The following TRAPPC11 variants were observed in gnomAD, a reference collection of about 807,000 sequenced individuals.
TRAPPC11 encodes trafficking protein particle complex subunit 11.
TRAPPC11 carries 104 observed loss-of-function variants against 151.2 expected under a neutral mutation model. The observed-to-expected ratio is 0.69, with a 90% CI of 0.59 to 0.81. TRAPPC11 has a LOEUF of 0.81. TRAPPC11 is among the 30% of genes least tolerant of loss of function. The pLI, the probability that TRAPPC11 is intolerant of heterozygous loss-of-function variation, is 0.00. For synonymous variants in TRAPPC11, 456 were observed against 472.3 expected, an observed-to-expected ratio of 0.97 and a Z score of 0.45; for missense variants, 1,230 against 1,349.6, an observed-to-expected ratio of 0.91 and a Z score of 1.39.
At position 183,697,842 on chromosome 4, in the gene TRAPPC11, C is replaced by T. The variant is rs1459446571; in HGVS notation, c.2851+7C>T. Reference sequence around the variant, plus strand: ...GAGTCTCAAGTGGACAATGGTGAGTCTGGTTCATTCCCACTTAAAGACCAG... The same window carrying T: ...GAGTCTCAAGTGGACAATGGTGAGTTTGGTTCATTCCCACTTAAAGACCAG... On this transcript the variant is annotated splice_region_variant and intron_variant, in intron 25 of 29. Transcript: ENST00000334690. 1.2e-6 allele frequency: 2 copies of T among 1,611,294 alleles called. No individual in the cohort carries two copies. Among genetic ancestry groups the T allele is most frequent in the East Asian group, 4.5e-5 (2 of 44,822 alleles).
In TRAPPC11 at chr4:183,685,376, A is replaced by T; in HGVS notation, c.1735A>T (p.Ile579Leu). ...ISLAGSNIFTIGVQDFVPFVQ... is the reference protein window; with the variant it reads ...ISLAGSNIFTLGVQDFVPFVQ... ...TCTGGCTGGCAGCAATATTTTCACA[A>T]TAGGAGTACAGGACTTTGTGCCATT... The change falls in exon 17 of 30, where the codon ATA (isoleucine) becomes TTA (leucine). Residue 579 changes from isoleucine (I) to leucine (L), a missense_variant. Coordinates refer to ENST00000334690, the MANE Select transcript of TRAPPC11 (RefSeq NM_021942.6). 1.2e-6 allele frequency: 2 copies of T among 1,614,192 alleles called. No homozygotes were observed. Among genetic ancestry groups the T allele is most frequent in the Non-Finnish European group, 1.7e-6 (2 of 1,180,022 alleles).
At chr4:183,706,320 G>A (rs570001405) in intron 27 of TRAPPC11, among the ~76,000 whole-genome samples, 2 of 152,206 alleles carry the variant, frequency 1.3e-5, no homozygotes, top group African/African-American at 4.8e-5. Context: ...TCAGGAGATC[G>A]AGACCATCCT....
chr4:183,685,856 C>G (rs1015127857), intron 17 of TRAPPC11, among the ~76,000 whole-genome samples: 1 of 151,920 alleles, frequency 6.6e-6, no homozygotes, highest in Admixed American at 6.6e-5. Flanking sequence ...TTTTTCGAGA[C>G]AGGGTCTCAC....
chr4:183,689,701 C>T (rs1324831626), intron 18 of TRAPPC11, among the ~76,000 whole-genome samples: 1 of 147,958 alleles, frequency 6.8e-6, no homozygotes, highest in African/African-American at 2.5e-5. Context: ...CATAACTCAT[C>T]TCAGCCTCAA....
At chr4:183,675,492 T>C (rs1038403965) in intron 7 of TRAPPC11, 1 of 221,158 alleles carries the variant, frequency 4.5e-6, no homozygotes, top group African/African-American at 2.3e-5. Context: ...GCCACAGAAA[T>C]GTAATATTAA....
chr4:183,704,828 A>AAAT (rs958137733), intron 26 of TRAPPC11, 151 bp from the exon 27 acceptor site: 3 of 307,794 alleles, frequency 9.7e-6, no homozygotes, highest in Non-Finnish European at 1.8e-5. Context: ...AATAATAATA[A>AAAT]AATAATAATA....
chr4:183,662,724 T>C (rs1321568311), intron 1 of TRAPPC11, among the ~76,000 whole-genome samples: 1 of 151,162 alleles, frequency 6.6e-6, no homozygotes. Context: ...GGGAAGTTTA[T>C]TATATGTAAG....
chr4:183,707,254 A>ATGGGTG (rs1737120500), intron 28 of TRAPPC11, among the ~76,000 whole-genome samples: 1 of 148,568 alleles, frequency 6.7e-6, no homozygotes, highest in East Asian at 2.0e-4. Context: ...GTGTGTGTTT[A>ATGGGTG]TGTGTGTGTG....
chr4:183,702,356 A>G (rs1279342284), intron 26 of TRAPPC11, among the ~76,000 whole-genome samples: 3 of 152,080 alleles, frequency 2.0e-5, no homozygotes, highest in African/African-American at 7.2e-5. Flanking sequence ...AAAAAAAAAA[A>G]AAAGTTCATA....
intron 7 of TRAPPC11, among the ~76,000 whole-genome samples, chr4:183,676,224 A>T (rs762785427): frequency 2.0e-5 from 3 of 151,600 alleles, no homozygotes; most frequent in Non-Finnish European, 4.4e-5. Flanking sequence ...ATCTCGGCTC[A>T]CTGCAACCTC....
Position 183,712,481 on chromosome 4 carries a change from C to A in TRAPPC11, c.3358-119C>A, listed in dbSNP as rs1486017131. 6 of 976,938 alleles carry A rather than the reference C, an allele frequency of 6.1e-6. No homozygotes were observed. The African/African-American group carries it at 8.1e-5, about 13-fold the overall frequency. 60.5% of individuals were successfully genotyped at this position (976,938 alleles called of 1,614,324 possible). On this transcript the variant is annotated intron_variant, in intron 29 of 29. Coordinates refer to ENST00000334690, the MANE Select transcript of TRAPPC11 (RefSeq NM_021942.6). ...ATCACCATTTTTATTTTGATGCTTA[C>A]ACTCATTTATTCTGTTTTTGTAAAA...
chr4:183,707,148 C>A (rs890300847), intron 28 of TRAPPC11, among the ~76,000 whole-genome samples: 1 of 152,016 alleles, frequency 6.6e-6, no homozygotes, highest in Non-Finnish European at 1.5e-5. Context: ...CACGTGGGTT[C>A]TTCTTATAAA....
At chr4:183,699,636 G>A (rs1192903308) in intron 25 of TRAPPC11, among the ~76,000 whole-genome samples, 1 of 152,130 alleles carries the variant, frequency 6.6e-6, no homozygotes, top group Non-Finnish European at 1.5e-5. Context: ...CTGTATTAAA[G>A]TTCTACAGGT....
At position 183,665,181 on chromosome 4, in the gene TRAPPC11, G is replaced by A. The variant is rs548500063; in HGVS notation, c.205-1076G>A. Among the ~76,000 whole-genome samples, 237 of 133,946 alleles carry A rather than the reference G, an allele frequency of 1.8e-3. 1 individual carries two copies. The highest frequency in any genetic ancestry group is 4.2e-3 in the African/African-American group (150 of 35,442). 87.9% of individuals were successfully genotyped at this position (133,946 alleles called of 152,430 possible). A position where few individuals can be genotyped will look rare whatever the true frequency, so the allele number is the denominator to read the frequency against. ...GCGATATCGGCTCACTGCAAGCTCC[G>A]CCTCCTGGGTTCGTGCCATTCTCCT... On this transcript the variant is annotated intron_variant, in intron 2 of 29. Coordinates refer to ENST00000334690, the MANE Select transcript of TRAPPC11 (RefSeq NM_021942.6).
chr4:183,705,187 G>C lies in TRAPPC11; in HGVS notation c.3055+117G>C, dbSNP rs1177965315. 3 of 659,924 alleles carry C rather than the reference G, an allele frequency of 4.5e-6. No individual in the cohort carries two copies. In the Admixed American group the frequency reaches 6.7e-5, roughly 15 times the overall value. The allele number at this position is 659,924 out of a possible 1,614,324, so 40.9% of individuals were successfully genotyped here. A position where few individuals can be genotyped will look rare whatever the true frequency, so the allele number is the denominator to read the frequency against. ...AGAAAGTTTTTCAGCATTTGTAAAA[G>C]TAGCTTATGGCCAGTCTTGCTTCCT... On this transcript the variant is annotated intron_variant, in intron 27 of 29. Transcript: ENST00000334690.
At chr4:183,684,633 C>A in intron 14 of TRAPPC11, 63 bp from the exon 15 acceptor site, 1 of 1,544,632 alleles carries the variant, frequency 6.5e-7, no homozygotes, top group Non-Finnish European at 8.8e-7. Flanking sequence ...ATTTTTTTCT[C>A]CATGAACTCT....
In TRAPPC11 at chr4:183,661,412, C is replaced by T. The variant is rs1019519153; in HGVS notation, c.-22+1965C>T. ...GAGACGGAGTCTCCTCGCTCTGTCG[C>T]CCAGGCTGGAGTGCAGTGGCGCGAT... On this transcript the variant is annotated intron_variant, in intron 1 of 29. Coordinates refer to ENST00000334690, the MANE Select transcript of TRAPPC11 (RefSeq NM_021942.6). Among the ~76,000 whole-genome samples, 4 of 137,130 alleles carry T rather than the reference C, an allele frequency of 2.9e-5. No homozygotes were observed. In the South Asian group the frequency reaches 6.9e-4, roughly 24 times the overall value. 90.0% of individuals were successfully genotyped at this position (137,130 alleles called of 152,430 possible). A position where few individuals can be genotyped will look rare whatever the true frequency, so the allele number is the denominator to read the frequency against.
In TRAPPC11 at chr4:183,712,977, C is replaced by G. The variant is rs1457025116; in HGVS notation, c.*333C>G. The G allele has an allele frequency of 3.7e-6, 1 of 273,012 alleles. No homozygotes were observed. The highest frequency in any genetic ancestry group is 6.9e-6 in the Non-Finnish European group (1 of 144,702). The allele number at this position is 273,012 out of a possible 1,614,324, so 16.9% of individuals were successfully genotyped here. A position where few individuals can be genotyped will look rare whatever the true frequency, so the allele number is the denominator to read the frequency against. ...GGAAAATTAAGCATCCCAAGTGTGA[C>G]TGGACAAAGAGAGCAGATGCACCAG... On this transcript the variant is annotated 3_prime_UTR_variant, in exon 30 of 30. Transcript: ENST00000334690.
intron 25 of TRAPPC11, among the ~76,000 whole-genome samples, 175 bp downstream of exon 25, chr4:183,698,010 A>C (rs796128008): frequency 5.9e-5 from 9 of 152,334 alleles, no homozygotes; most frequent in African/African-American, 2.2e-4. Flanking sequence ...TGTCATTTAT[A>C]ATACCATTTG....
Sources: allele counts gnomAD v4.1 joint callset (sites outside exome capture counted in the v4.1 genomes callset), GRCh38; gene constraint gnomAD v4.1.1; transcripts MANE v1.5; gene names NCBI Gene and HGNC (gene_info 2026-07-23, HGNC 2026-07-21).